Variants in TCP1 observed in about 807,000 individuals in gnomAD.
TCP1 encodes T-complex protein 1 subunit alpha.
A neutral mutation model predicts 54.7 loss-of-function variants in TCP1; 6 were observed. The observed-to-expected ratio is 0.11, with a 90% CI of 0.06 to 0.22. TCP1 has a LOEUF of 0.22. Among genes scored for constraint, TCP1 ranks in the 10% least tolerant of loss-of-function variants. The pLI is 1.00. For missense variants in TCP1, 511 were observed against 678.2 expected (o/e 0.75, Z 2.74); for synonymous variants, 225 against 229.7 (o/e 0.98, Z 0.19).
intron 7 of TCP1, 37 bp downstream of exon 7, chr6:159,783,900 ACACT>A (rs1431791404): frequency 1.9e-6 from 3 of 1,544,346 alleles, no homozygotes; most frequent in African/African-American, 1.4e-5. Context: ...GTCCTCCAAG[ACACT>A]CACACTTAAA....
In TCP1 at chr6:159,785,186, G is replaced by A. The variant is rs1401877003; in HGVS notation, c.488+200C>T. ...CTGCTGCTACTACGCACGCGTGCGC[G>A]CAACACATGCGCACACACGCACCCA... On this transcript the variant is annotated intron_variant, in intron 5 of 11. Transcript: ENST00000321394. 4.4e-5 allele frequency: 27 copies of A among 610,952 alleles called. No homozygotes were observed. In the Admixed American group the frequency reaches 5.8e-4, roughly 13 times the overall value. The allele number at this position is 610,952 out of a possible 1,614,324, so 37.8% of individuals were successfully genotyped here. A position where few individuals can be genotyped will look rare whatever the true frequency, so the allele number is the denominator to read the frequency against.
rs746297727 is a variant in TCP1 at position 159,780,587 on chromosome 6, G to T, written c.974-21C>A. ...AGTTGCTAATAAGAGAGTTACAAAG[G>T]ATCTGTGAATATTGCTCTTTCATGA... On this transcript the variant is annotated intron_variant, in intron 8 of 11. Transcript: ENST00000321394. 7 of 1,604,466 alleles carry T rather than the reference G, an allele frequency of 4.4e-6. No homozygotes were observed. In the African/African-American group the frequency reaches 9.4e-5, roughly 22 times the overall value.
At chr6:159,783,791 G>A (rs1017580945) in intron 7 of TCP1, 150 bp downstream of exon 7, 52 of 1,009,902 alleles carry the variant, frequency 5.1e-5, no homozygotes, top group African/African-American at 6.6e-5. Context: ...CAAAAAGGCC[G>A]ATTTTCATAT....
At position 159,786,032 on chromosome 6, in the gene TCP1, G is replaced by A. The variant is rs759938838; in HGVS notation, c.280-35C>T. ...AAACATTCACTGGTCTGAGTGTGCCGGATATTCAACATGTGCAATACATAT... is the reference window on the plus strand; with the variant it reads ...AAACATTCACTGGTCTGAGTGTGCCAGATATTCAACATGTGCAATACATAT... On this transcript the variant is annotated intron_variant, in intron 3 of 11. Transcript: ENST00000321394. 22 of 1,538,830 alleles carry A rather than the reference G, an allele frequency of 1.4e-5. No homozygotes were observed. In the South Asian group the frequency reaches 1.5e-4, roughly 10 times the overall value.
chr6:159,785,185 C>G, intron 5 of TCP1: 1 of 611,738 alleles, frequency 1.6e-6, no homozygotes, highest in Non-Finnish European at 2.9e-6. Flanking sequence ...CACGCGTGCG[C>G]GCAACACATG....
chr6:159,778,675 G>A lies in TCP1; in HGVS notation c.*370C>T, dbSNP rs753917806. The A allele has an allele frequency of 6.2e-7, 1 of 1,614,098 alleles. No homozygotes were observed. The highest frequency in any genetic ancestry group is 8.5e-7 in the Non-Finnish European group (1 of 1,179,996). On this transcript the variant is annotated 3_prime_UTR_variant, in exon 12 of 12. Transcript: ENST00000321394. ...CCCCGTTAGGTCAATATTGAAGGAG[G>A]GGCTATAGCCTTGGGCCACCCTCTT...
intron 7 of TCP1, 114 bp downstream of exon 7, chr6:159,783,827 A>C: frequency 1.4e-6 from 2 of 1,423,820 alleles, no homozygotes; most frequent in Non-Finnish European, 9.4e-7. Context: ...AAATCCCTCT[A>C]AAAACACCAC....
chr6:159,779,603 CAA>C lies in TCP1; in HGVS notation c.1454+22_1454+23del, dbSNP rs779871145. 4.4e-6 allele frequency: 7 copies of C among 1,583,280 alleles called. 1 individual carries two copies. In the South Asian group the frequency reaches 7.0e-5, roughly 16 times the overall value. On this transcript the variant is annotated intron_variant, in intron 11 of 11. Transcript: ENST00000321394. ...ATGCAACCTGTTCTGCAGAGGTTAA[CAA>C]AGAGCGGGAAACCATGCTTACCATT...
At chr6:159,781,167 C>A in intron 7 of TCP1, 57 bp from the exon 8 acceptor site, 5 of 1,379,796 alleles carry the variant, frequency 3.6e-6, no homozygotes, top group Non-Finnish European at 4.9e-6. Context: ...AATAATTTAA[C>A]TTCCATTAAG....
chr6:159,778,794 G>A lies in TCP1; in HGVS notation c.*251C>T. 1 of 1,614,162 alleles carries A rather than the reference G, an allele frequency of 6.2e-7. No individual in the cohort carries two copies. Among genetic ancestry groups the A allele is most frequent in the East Asian group, 2.2e-5 (1 of 44,872 alleles). ...TGTTGCAGCCCTGTGCATTGGGGGT[G>A]GGATGGGAATAGCAATGTGTGTTCA... On this transcript the variant is annotated 3_prime_UTR_variant, in exon 12 of 12. Transcript: ENST00000321394.
At chr6:159,787,894 T>A (rs1562485355) in intron 2 of TCP1, 23 bp from the exon 3 acceptor site, 2 of 1,612,996 alleles carry the variant, frequency 1.2e-6, no homozygotes, top group Non-Finnish European at 8.5e-7. Flanking sequence ...CAGGAAAAAA[T>A]ATGAACCACT....
rs778534749 is a variant in TCP1, at chr6:159,783,994, A to G, written c.744T>C (p.Leu248=). 8.7e-6 allele frequency: 14 copies of G among 1,613,226 alleles called. No homozygotes were observed. The Admixed American group carries it at 1.7e-4, about 19-fold the overall frequency. Residue 248 remains leucine, a synonymous_variant, in exon 7 of 12, where the codon CTT becomes CTC. Transcript: ENST00000321394. ...DFSLQKTKMK[L]GVQVVITDPE... is the part of the protein sequence containing the mutation. ...GGTCTGTAATGACCACCTGTACACC[A>G]AGCTTCATTTTTGTTTTTTGCAGGC...
chr6:159,779,514 G>A (rs1366916012), intron 11 of TCP1, 113 bp downstream of exon 11: 31 of 1,395,746 alleles, frequency 2.2e-5, no homozygotes, highest in Non-Finnish European at 2.9e-5. Flanking sequence ...AGTTTTTCAT[G>A]TTAAGTATTT....
chr6:159,787,886 G>A lies in TCP1; in HGVS notation c.151-15C>T, dbSNP rs1477536833. 4 of 1,612,608 alleles carry A rather than the reference G, an allele frequency of 2.5e-6. No homozygotes were observed. The East Asian group carries it at 8.9e-5, about 36-fold the overall frequency. ...ATGGTTACATCCTAAGAAATTCGCA[G>A]GAAAAAATATGAACCACTTATAGAA... On this transcript the variant is annotated splice_polypyrimidine_tract_variant and intron_variant, in intron 2 of 11. Transcript: ENST00000321394.
At chr6:159,781,131 C>A (rs1780566996) in intron 7 of TCP1, 21 bp from the exon 8 acceptor site, 1 of 1,546,886 alleles carries the variant, frequency 6.5e-7, no homozygotes, top group Non-Finnish European at 8.7e-7. Flanking sequence ...TTTTTGTAAC[C>A]TGAGTTACCT....
chr6:159,787,670 C>T, intron 3 of TCP1, 73 bp downstream of exon 3: 1 of 1,549,062 alleles, frequency 6.5e-7, no homozygotes, highest in Non-Finnish European at 8.8e-7. Context: ...CACAAATGAC[C>T]CACTTATGGC....
rs1484241784 is a variant in TCP1 at position 159,780,079 on chromosome 6, G to A, written c.1106C>T (p.Ala369Val). The change falls in exon 10 of 12, where the codon GCT becomes GTT. Residue 369 changes from alanine (A) to valine (V), a missense_variant. Ala to Val is a moderately conservative substitution (Grantham distance 64). Transcript: ENST00000321394. ...TAAGATAATCGATGCAGACGTACGA[G>A]CCTTAGTACTGTTCAAAACAAAAGT... Reference protein sequence around the residue: ...DELILIKNTKARTSASIILRG... With the variant: ...DELILIKNTKVRTSASIILRG... 1 of 1,611,930 alleles carries A rather than the reference G, an allele frequency of 6.2e-7. No homozygotes were observed. Among genetic ancestry groups the A allele is most frequent in the East Asian group, 2.2e-5 (1 of 44,882 alleles).
In TCP1 at chr6:159,780,574, G is replaced by T. The variant is rs752089758; in HGVS notation, c.974-8C>A. The stretch of plus-strand genomic sequence containing the variant: ...GGGTTGACAGAATAGTTGCTAATAA[G>T]AGAGTTACAAAGGATCTGTGAATAT... On this transcript the variant is annotated splice_region_variant and splice_polypyrimidine_tract_variant and intron_variant, in intron 8 of 11. Transcript: ENST00000321394. The T allele has an allele frequency of 5.0e-6, 8 of 1,609,972 alleles. No individual in the cohort carries two copies. Among genetic ancestry groups the T allele is most frequent in the Admixed American group, 1.7e-5 (1 of 59,038 alleles).
chr6:159,787,954 A>G, intron 2 of TCP1, 83 bp from the exon 3 acceptor site: 1 of 1,604,476 alleles, frequency 6.2e-7, no homozygotes, highest in Non-Finnish European at 8.5e-7. Context: ...CTTTAATATC[A>G]CCTTCCAGTA....
Sources: allele counts gnomAD v4.1 joint callset, GRCh38; gene constraint gnomAD v4.1.1; transcripts MANE v1.5; gene names NCBI Gene and HGNC (gene_info 2026-07-23, HGNC 2026-07-21).